Variants in TCL1A observed in about 807,000 individuals in gnomAD.
TCL1A encodes the protein TCL1 family AKT coactivator A, also known as T-cell leukemia/lymphoma protein 1A.
TCL1A carries 9 observed loss-of-function variants against 16.9 expected under a neutral mutation model. That is an observed-to-expected ratio of 0.53 (90% CI 0.32 to 0.93). The LOEUF (loss-of-function observed/expected upper bound fraction) is 0.93, where lower values mean the gene tolerates loss of function less well. Ranked by LOEUF, TCL1A falls within the 40% of genes least tolerant of loss-of-function variation. The pLI is 0.04. For missense variants in TCL1A, 139 were observed against 153.0 expected (o/e 0.91, Z 0.48); for synonymous variants, 69 against 63.2 (o/e 1.09, Z -0.44).
chr14:95,713,925 T>C (rs184924934), intron 1 of TCL1A, 22 bp downstream of exon 1: 2 of 1,612,206 alleles, frequency 1.2e-6, no homozygotes, highest in Non-Finnish European at 1.7e-6. Context: ...TGCCTCGCCA[T>C]CCGCTCCAAA....
chr14:95,712,674 G>A, intron 1 of TCL1A: 1 of 1,394,866 alleles, frequency 7.2e-7, no homozygotes. Flanking sequence ...GGTTGCAGCG[G>A]CTCACACTTG....
chr14:95,713,748 C>T (rs1886465451), intron 1 of TCL1A, among the ~76,000 whole-genome samples, 199 bp downstream of exon 1: 1 of 152,320 alleles, frequency 6.6e-6, no homozygotes, highest in East Asian at 1.9e-4. Flanking sequence ...ACCGACATTC[C>T]TTTGCGGTTT....
chr14:95,710,371 GGGCAGGCAGCGTTTGCAGGCGTGTTTACC>G lies in TCL1A; in HGVS notation c.*488_*516del, dbSNP rs1309475281. ...AGGCAGCGTTTGCAGGCGTGTTTAC[GGGCAGGCAGCGTTTGCAGGCGTGTTTACC>G]GGCAGGCAGCGTTTGCAGGCGTGTT... On this transcript the variant is annotated 3_prime_UTR_variant, in exon 4 of 4. Transcript: ENST00000402399. The G allele has an allele frequency of 4.8e-4, 72 of 149,732 alleles. No homozygotes were observed. The highest frequency in any genetic ancestry group is 8.0e-4 in the South Asian group (4 of 5,004). The allele number at this position is 149,732 out of a possible 1,614,324, so 9.3% of individuals were successfully genotyped here.
intron 3 of TCL1A, among the ~76,000 whole-genome samples, chr14:95,711,255 C>G (rs190456702): frequency 5.6e-5 from 8 of 143,254 alleles, no homozygotes; most frequent in African/African-American, 1.8e-4. Context: ...GTCAGGAGAT[C>G]GAGACCATCC....
chr14:95,711,860 T>C (rs1245799854), intron 2 of TCL1A, 58 bp from the exon 3 acceptor site: 3 of 1,589,412 alleles, frequency 1.9e-6, no homozygotes, highest in Non-Finnish European at 2.6e-6. Context: ...ACTCCCTCCA[T>C]TCCTCACTCC....
chr14:95,712,497 C>A, intron 1 of TCL1A, 101 bp from the exon 2 acceptor site: 7 of 1,519,354 alleles, frequency 4.6e-6, no homozygotes, highest in Non-Finnish European at 5.3e-6. Context: ...ATCCACCCAT[C>A]TGGGCAGGGG....
intron 1 of TCL1A, among the ~76,000 whole-genome samples, chr14:95,713,503 A>C (rs569999160): frequency 6.6e-6 from 1 of 152,300 alleles, no homozygotes; most frequent in African/African-American, 2.4e-5. Context: ...AGGTAGTGGA[A>C]AATACTTCAC....
At position 95,712,402 on chromosome 14, in the gene TCL1A, G is replaced by T; in HGVS notation, c.121-6C>A. The stretch of plus-strand genomic sequence containing the variant: ...AACTGTAACCTATCCTTTATCTGAG[G>T]AGAAGAAAAGGACAGGGCATACTTT... On this transcript the variant is annotated splice_polypyrimidine_tract_variant and splice_region_variant and intron_variant, in intron 1 of 3. Coordinates refer to ENST00000402399, the MANE Select transcript of TCL1A (RefSeq NM_021966.3). 1 of 1,595,298 alleles carries T rather than the reference G, an allele frequency of 6.3e-7. No homozygotes were observed. The highest frequency in any genetic ancestry group is 8.6e-7 in the Non-Finnish European group (1 of 1,167,492).
intron 1 of TCL1A, among the ~76,000 whole-genome samples, chr14:95,713,470 T>C (rs993696845): frequency 6.6e-6 from 1 of 152,306 alleles, no homozygotes; most frequent in Non-Finnish European, 1.5e-5. Flanking sequence ...ACTTGTTAAA[T>C]TTGTTTTCTA....
intron 1 of TCL1A, among the ~76,000 whole-genome samples, chr14:95,713,644 C>T (rs1017589495): frequency 6.6e-6 from 1 of 152,228 alleles, no homozygotes; most frequent in South Asian, 2.1e-4. Flanking sequence ...CTTAGAGATA[C>T]CCATTTTTAA....
At position 95,712,256 on chromosome 14, in the gene TCL1A, T is replaced by C. The variant is rs1043477839; in HGVS notation, c.261A>G (p.Ser87=). The change falls in exon 2 of 4, where the codon TCA becomes TCG. Residue 87 remains serine (S), a synonymous_variant. Transcript: ENST00000402399. ...QLYPDGRYRS[S]DSSFWRLVYH... is the part of the protein sequence containing the mutation. Reference sequence around the variant, plus strand: ...ACACTAAGCGCCAGAAACTGGAGTCTGAGGATCGGTATCGTCCATCAGGGT... The same window carrying C: ...ACACTAAGCGCCAGAAACTGGAGTCCGAGGATCGGTATCGTCCATCAGGGT... 1 of 1,614,016 alleles carries C rather than the reference T, an allele frequency of 6.2e-7. No homozygotes were observed. Among genetic ancestry groups the C allele is most frequent in the African/African-American group, 1.3e-5 (1 of 74,900 alleles).
At chr14:95,713,564 T>G (rs1346994866) in intron 1 of TCL1A, among the ~76,000 whole-genome samples, 1 of 152,210 alleles carries the variant, frequency 6.6e-6, no homozygotes, top group Admixed American at 6.5e-5. Flanking sequence ...TGTTGAGGGT[T>G]CTTTTTAAAA....
At chr14:95,713,145 T>G (rs2139721995) in intron 1 of TCL1A, among the ~76,000 whole-genome samples, 1 of 152,348 alleles carries the variant, frequency 6.6e-6, no homozygotes, top group East Asian at 1.9e-4. Flanking sequence ...CTACTAGCAA[T>G]CTTACCTCGG....
chr14:95,712,821 A>C, intron 1 of TCL1A: 2 of 595,172 alleles, frequency 3.4e-6, no homozygotes, highest in Non-Finnish European at 5.3e-6. Flanking sequence ...GAGAAAAAGA[A>C]TACTGGCCTT....
At position 95,710,163 on chromosome 14, in the gene TCL1A, A is replaced by G. The variant is rs989734090; in HGVS notation, c.*725T>C. ...CCATCTATAAAAGGGGGGAAACCCAACCTCTATCCCTTTTCCACGTGGGCA... is the reference window on the plus strand; with the variant it reads ...CCATCTATAAAAGGGGGGAAACCCAGCCTCTATCCCTTTTCCACGTGGGCA... On this transcript the variant is annotated 3_prime_UTR_variant, in exon 4 of 4. Coordinates refer to ENST00000402399, the MANE Select transcript of TCL1A (RefSeq NM_021966.3). 1 of 152,214 alleles carries G rather than the reference A, an allele frequency of 6.6e-6. No homozygotes were observed. Among genetic ancestry groups the G allele is most frequent in the Admixed American group, 6.5e-5 (1 of 15,276 alleles). The allele number at this position is 152,214 out of a possible 1,614,324, so 9.4% of individuals were successfully genotyped here.
rs371421469 is a variant in TCL1A at position 95,713,978 on chromosome 14, T to C, written c.89A>G (p.Lys30Arg). Reference protein sequence around the residue: ...AWEKFVYLDEKQHAWLPLTIE... With the variant: ...AWEKFVYLDERQHAWLPLTIE... ...GGTTAAGGGCAGCCAGGCGTGCTGC[T>C]TCTCGTCCAAATACACGAACTTCTC... Residue 30 changes from lysine to arginine, a missense_variant, in exon 1 of 4, where the codon AAG becomes AGG. Physicochemically the swap from Lys to Arg is conservative, Grantham distance 26 (BLOSUM62 2). This residue lies in a region of TCL1A where 94 missense variants were observed against 80.2 expected (regional missense o/e 1.17). Transcript: ENST00000402399. The C allele has an allele frequency of 1.2e-6, 2 of 1,614,104 alleles. No individual in the cohort carries two copies. The highest frequency in any genetic ancestry group is 1.7e-5 in the Admixed American group (1 of 60,036).
At chr14:95,711,295 T>TAGA (rs1463895826) in intron 3 of TCL1A, among the ~76,000 whole-genome samples, 2 of 79,740 alleles carry the variant, frequency 2.5e-5, no homozygotes, top group Admixed American at 1.4e-4. Context: ...CCGTCTCTAC[T>TAGA]AAAAAAAAAA....
chr14:95,713,488 C>T (rs1886438513), intron 1 of TCL1A, among the ~76,000 whole-genome samples: 2 of 152,140 alleles, frequency 1.3e-5, no homozygotes, highest in Admixed American at 6.5e-5. Flanking sequence ...CTAAATAAAG[C>T]CCAGAGGTAG....
chr14:95,712,444 G>A (rs2209399), intron 1 of TCL1A, 48 bp from the exon 2 acceptor site: 3 of 1,552,134 alleles, frequency 1.9e-6, no homozygotes, highest in East Asian at 4.5e-5. Context: ...CCGCTTGCCA[G>A]GGCTTCTCCA....
Sources: allele counts gnomAD v4.1 joint callset (sites outside exome capture counted in the v4.1 genomes callset), GRCh38; gene constraint gnomAD v4.1.1; regional missense constraint gnomAD v4.1.1; transcripts MANE v1.5; gene names NCBI Gene and HGNC (gene_info 2026-07-23, HGNC 2026-07-21).